NTN1: variants seen among roughly 807,000 people sequenced by gnomAD.
NTN1 encodes the protein netrin 1, also known as netrin-1.
In NTN1, 11 loss-of-function variants were observed where a neutral mutation model predicts 54.2. The ratio of observed to expected loss-of-function variants is 0.20; its 90% confidence interval spans 0.13 to 0.34. NTN1 has a LOEUF of 0.34. Among genes scored for constraint, NTN1 ranks in the 10% least tolerant of loss-of-function variants. The pLI is 1.00. For missense variants in NTN1, 740 were observed against 893.1 expected (o/e 0.83, Z 2.18); for synonymous variants, 371 against 382.0 (o/e 0.97, Z 0.33).
intron 2 of NTN1, among the ~76,000 whole-genome samples, chr17:9,047,481 C>T (rs545018448): frequency 3.9e-5 from 6 of 152,258 alleles, no homozygotes; most frequent in African/African-American, 1.4e-4. Context: ...AGAAGCGACT[C>T]GTCATCTGTT....
At chr17:9,057,771 C>T (rs2091983856) in intron 2 of NTN1, among the ~76,000 whole-genome samples, 1 of 152,196 alleles carries the variant, frequency 6.6e-6, no homozygotes, top group South Asian at 2.1e-4. Context: ...TTAAGTGCAA[C>T]ACTTTTAATT....
At chr17:9,142,230 A>G (rs1347487948) in intron 2 of NTN1, among the ~76,000 whole-genome samples, 2 of 151,622 alleles carry the variant, frequency 1.3e-5, no homozygotes, top group Non-Finnish European at 2.9e-5. Context: ...CGGAGGTTGC[A>G]GTGAGTTGAG....
intron 6 of NTN1, among the ~76,000 whole-genome samples, chr17:9,224,537 C>T (rs551182153): frequency 2.8e-4 from 42 of 152,336 alleles, no homozygotes; most frequent in African/African-American, 7.0e-4. Context: ...GGCAGTGACA[C>T]GGGCCTGGCT....
chr17:9,208,879 C>T (rs914083528), intron 5 of NTN1, among the ~76,000 whole-genome samples: 2 of 152,248 alleles, frequency 1.3e-5, no homozygotes, highest in Non-Finnish European at 2.9e-5. Flanking sequence ...CCACACCAAC[C>T]CATTTTCCTG....
chr17:9,133,545 T>G (rs907551574), intron 2 of NTN1, among the ~76,000 whole-genome samples: 28 of 151,872 alleles, frequency 1.8e-4, no homozygotes, highest in African/African-American at 6.8e-4. Context: ...GAAAGCAAGT[T>G]GGCCGTGGTC....
chr17:9,003,332 C>T, the NTN1 span, among the ~76,000 whole-genome samples: 2 of 151,818 alleles, frequency 1.3e-5, no homozygotes, highest in Admixed American at 6.6e-5. This position sits in a 1 kb window ranked among gnomAD's most constrained non-coding sequence, Gnocchi z 7.4. Flanking sequence ...GGGCCGGGGC[C>T]GTCTGGGGGC....
At chr17:9,021,509 C>G (rs1190166461), upstream of NTN1, 2 of 152,030 alleles carry the variant, frequency 1.3e-5, no homozygotes, top group Non-Finnish European at 2.9e-5. Flanking sequence ...CTCCGCCCCT[C>G]ACTCCCAGCG....
chr17:9,021,027 T>C (rs73973275), upstream of NTN1, among the ~76,000 whole-genome samples: 871 of 152,286 alleles, frequency 5.7e-3, 8 homozygotes, highest in African/African-American at 0.02. Flanking sequence ...GGCACAGCCC[T>C]GTGCGCGGTG....
At chr17:9,043,818 G>C (rs1226478937) in intron 2 of NTN1, among the ~76,000 whole-genome samples, 1 of 152,014 alleles carries the variant, frequency 6.6e-6, no homozygotes, top group East Asian at 1.9e-4. Flanking sequence ...GACCTCAGGT[G>C]ATCCACCCGC....
intron 2 of NTN1, among the ~76,000 whole-genome samples, chr17:9,092,662 C>T (rs892475693): frequency 6.6e-6 from 1 of 152,094 alleles, no homozygotes; most frequent in Admixed American, 6.5e-5. Context: ...GGTGCGATGT[C>T]AGCTCATTGC....
intron 2 of NTN1, among the ~76,000 whole-genome samples, chr17:9,033,880 G>A (rs377599166): frequency 9.3e-5 from 13 of 140,516 alleles, no homozygotes; most frequent in African/African-American, 3.5e-4. Flanking sequence ...TCACACCATT[G>A]CATTCCAGCC....
At chr17:9,131,148 C>T (rs2092263814) in intron 2 of NTN1, among the ~76,000 whole-genome samples, 2 of 152,196 alleles carry the variant, frequency 1.3e-5, no homozygotes, top group Admixed American at 6.5e-5. Context: ...ACATGGCTCA[C>T]ATCTTAACTT....
intron 2 of NTN1, among the ~76,000 whole-genome samples, chr17:9,056,986 A>G (rs1291908838): frequency 6.6e-6 from 1 of 151,670 alleles, no homozygotes; most frequent in Non-Finnish European, 1.5e-5. Context: ...CCCCCCTGTG[A>G]TGTTATCAGG....
chr17:9,188,602 G>A (rs1246829548), intron 5 of NTN1, among the ~76,000 whole-genome samples: 5 of 152,218 alleles, frequency 3.3e-5, no homozygotes, highest in South Asian at 2.1e-4. Context: ...AGCAATGGGG[G>A]ACATGCTTGT....
intron 5 of NTN1, among the ~76,000 whole-genome samples, chr17:9,190,949 A>C (rs1904438021): frequency 1.3e-5 from 2 of 152,228 alleles, no homozygotes; most frequent in South Asian, 4.1e-4. Flanking sequence ...AGAATGAATC[A>C]ATCAGTAAAT....
chr17:9,233,119 C>T (rs1219619644), intron 6 of NTN1, among the ~76,000 whole-genome samples: 1 of 152,020 alleles, frequency 6.6e-6, no homozygotes, highest in Non-Finnish European at 1.5e-5. Flanking sequence ...GAGGGGGAAG[C>T]TGCTGGGAGC....
intron 2 of NTN1, among the ~76,000 whole-genome samples, chr17:9,111,999 G>A (rs1403819624): frequency 2.0e-5 from 3 of 152,190 alleles, no homozygotes; most frequent in Non-Finnish European, 4.4e-5. Flanking sequence ...AGTGGTCAAC[G>A]GCCATTGTGG....
intron 5 of NTN1, among the ~76,000 whole-genome samples, chr17:9,208,266 C>T (rs936717585): frequency 2.6e-5 from 4 of 152,180 alleles, no homozygotes; most frequent in African/African-American, 9.7e-5. Flanking sequence ...AAGCCCTTTA[C>T]CCAGGCTGTC....
intron 2 of NTN1, among the ~76,000 whole-genome samples, chr17:9,159,752 G>C (rs1329702391): frequency 2.0e-5 from 3 of 152,064 alleles, no homozygotes; most frequent in African/African-American, 7.2e-5. Context: ...AGTGAGCCAA[G>C]ATCACGCCAC....
Sources: gnomAD v4.1 joint callset for allele counts (sites outside exome capture counted in the v4.1 genomes callset) on GRCh38, gnomAD v4.1.1 for gene constraint, Gnocchi (gnomAD v3.1) non-coding constraint, MANE v1.5 for transcripts, NCBI Gene and HGNC (gene_info 2026-07-23, HGNC 2026-07-21) for gene names.